The following B3GAT2 variants were observed in gnomAD, a reference collection of about 807,000 sequenced individuals.
B3GAT2 encodes the protein galactosylgalactosylxylosylprotein 3-beta-glucuronosyltransferase 2.
Under a neutral mutation model 27.8 loss-of-function variants are expected in B3GAT2, and 26 were observed. That is an observed-to-expected ratio of 0.93 (90% CI 0.68 to 1.30). The LOEUF is 1.30. Among genes scored for constraint, B3GAT2 ranks in the 50% most tolerant of loss-of-function variants. The probability of loss-of-function intolerance (pLI) is 0.00; values close to 1 mark genes in which losing one functional copy is unlikely to be tolerated. For synonymous variants in B3GAT2, 218 were observed against 195.1 expected (o/e 1.12, Z -0.98); for missense variants, 458 against 459.0 (o/e 1.00, Z 0.02).
intron 2 of B3GAT2, among the ~76,000 whole-genome samples, chr6:70,889,320 T>A (rs1456908852): frequency 6.6e-6 from 1 of 152,100 alleles, no homozygotes; most frequent in Non-Finnish European, 1.5e-5. Context: ...AAAGCTGTTA[T>A]ACCCCTTGAA....
chr6:70,956,129 G>A lies in B3GAT2; in HGVS notation c.301C>T (p.Leu101=). The A allele has an allele frequency of 3.1e-6, 5 of 1,604,364 alleles. No individual in the cohort carries two copies. Among genetic ancestry groups the A allele is most frequent in the East Asian group, 2.2e-5 (1 of 44,624 alleles). The part of the protein sequence containing the change: ...RPVQKAELTR[L]ANTFRQVAQL... The stretch of plus-strand genomic sequence containing the variant: ...GCCACCTGGCGGAACGTGTTGGCCA[G>A]GCGGGTCAGCTCCGCTTTCTGCACC... Residue 101 remains leucine, a synonymous_variant, in exon 1 of 4, where the codon CTG becomes TTG. Coordinates refer to ENST00000230053, the MANE Select transcript of B3GAT2 (RefSeq NM_080742.3).
intron 1 of B3GAT2, among the ~76,000 whole-genome samples, chr6:70,910,125 A>G (rs1042497437): frequency 6.6e-6 from 1 of 152,074 alleles, no homozygotes; most frequent in African/African-American, 2.4e-5. Context: ...CACCCGCCTC[A>G]GCCTTCCAAA....
At chr6:70,923,801 A>T (rs1772910014) in intron 1 of B3GAT2, among the ~76,000 whole-genome samples, 1 of 152,218 alleles carries the variant, frequency 6.6e-6, no homozygotes, top group South Asian at 2.1e-4. Context: ...CTTTCTGTGT[A>T]GTAATTTAAA....
chr6:70,870,116 C>T (rs1357514875), intron 2 of B3GAT2, among the ~76,000 whole-genome samples: 1 of 151,948 alleles, frequency 6.6e-6, no homozygotes, highest in Admixed American at 6.6e-5. Context: ...GCACTATTCA[C>T]AATAGCAAAG....
At chr6:70,898,766 T>C (rs894479324) in intron 1 of B3GAT2, among the ~76,000 whole-genome samples, 106 of 152,296 alleles carry the variant, frequency 7.0e-4, no homozygotes, top group African/African-American at 2.5e-3. Flanking sequence ...AAACAACTCT[T>C]GGCAAGTGTT....
At chr6:70,898,725 A>G (rs907308200) in intron 1 of B3GAT2, among the ~76,000 whole-genome samples, 2 of 152,192 alleles carry the variant, frequency 1.3e-5, no homozygotes, top group African/African-American at 4.8e-5. Flanking sequence ...TTAAGAATGT[A>G]TAAGATTGTG....
In B3GAT2 at chr6:70,861,547, G is replaced by A; in HGVS notation, c.*116C>T. ...CAGATGTCCATCAGATGACAAGAAA[G>A]GCTGCTGTACTGAAGTAAAACAAAC... On this transcript the variant is annotated 3_prime_UTR_variant, in exon 4 of 4. Coordinates refer to ENST00000230053, the MANE Select transcript of B3GAT2 (RefSeq NM_080742.3). 2.3e-6 allele frequency: 2 copies of A among 854,602 alleles called. No individual in the cohort carries two copies. Among genetic ancestry groups the A allele is most frequent in the South Asian group, 3.5e-5 (2 of 57,952 alleles). The allele number at this position is 854,602 out of a possible 1,614,324, so 52.9% of individuals were successfully genotyped here.
intron 2 of B3GAT2, 143 bp from the exon 3 acceptor site, chr6:70,862,121 AT>A: frequency 1.4e-6 from 1 of 691,696 alleles, no homozygotes; most frequent in Non-Finnish European, 2.4e-6. Context: ...GAATAGGAAC[AT>A]TACCTGTATT....
rs1283328548 is a variant in B3GAT2 at position 70,915,919 on chromosome 6, G to GT, written c.592-21648dup. Among the ~76,000 whole-genome samples the GT allele has an allele frequency of 5.3e-5, 8 of 152,066 alleles. No homozygotes were observed. The South Asian group carries it at 6.2e-4, about 12-fold the overall frequency. On this transcript the variant is annotated intron_variant, in intron 1 of 3. Transcript: ENST00000230053. ...TTGGTTCCATATGAGCTTTAAAGTAGTTTTTTTCCAATTCTGTGAAGTCAG... is the reference window on the plus strand; with the variant it reads ...TTGGTTCCATATGAGCTTTAAAGTAGTTTTTTTTCCAATTCTGTGAAGTCAG...
chr6:70,939,748 G>A (rs1266144308), intron 1 of B3GAT2, among the ~76,000 whole-genome samples: 1 of 149,794 alleles, frequency 6.7e-6, no homozygotes, highest in Non-Finnish European at 1.5e-5. Flanking sequence ...CTGTTGTGGG[G>A]TGGGGGTTGG....
At chr6:70,883,556 G>A (rs1018659092) in intron 2 of B3GAT2, among the ~76,000 whole-genome samples, 7 of 152,072 alleles carry the variant, frequency 4.6e-5, no homozygotes, top group African/African-American at 7.2e-5. Context: ...GTGGTAACCA[G>A]GGGCTGAGGG....
intron 1 of B3GAT2, among the ~76,000 whole-genome samples, chr6:70,921,729 C>T (rs549378043): frequency 1.3e-5 from 2 of 152,276 alleles, no homozygotes; most frequent in African/African-American, 4.8e-5. Flanking sequence ...GCTGACATTC[C>T]TTTAATCTTT....
chr6:70,954,031 A>T (rs1362303689), intron 1 of B3GAT2, among the ~76,000 whole-genome samples: 1 of 152,188 alleles, frequency 6.6e-6, no homozygotes, highest in Non-Finnish European at 1.5e-5. Context: ...AAACTAAATC[A>T]TTCCTCCTTC....
intron 2 of B3GAT2, among the ~76,000 whole-genome samples, chr6:70,891,061 G>A (rs1339036766): frequency 6.6e-6 from 1 of 152,234 alleles, no homozygotes; most frequent in African/African-American, 2.4e-5. Flanking sequence ...AAGTGAGTCT[G>A]TCACTTGAAA....
Position 70,860,298 on chromosome 6 carries a change from A to G in B3GAT2, c.*1365T>C. On this transcript the variant is annotated 3_prime_UTR_variant, in exon 4 of 4. Transcript: ENST00000230053. ...CAACAGCAGGATGGTCTGGAAGCTCATCAGGTCAGACTCTCAGCACACAAC... is the reference window on the plus strand; with the variant it reads ...CAACAGCAGGATGGTCTGGAAGCTCGTCAGGTCAGACTCTCAGCACACAAC... 6.2e-7 allele frequency: 1 copy of G among 1,613,440 alleles called. No individual in the cohort carries two copies. The highest frequency in any genetic ancestry group is 8.5e-7 in the Non-Finnish European group (1 of 1,179,584).
At position 70,861,435 on chromosome 6, in the gene B3GAT2, GA is replaced by G. The variant is rs943614300; in HGVS notation, c.*227del. 142 of 523,676 alleles carry G rather than the reference GA, an allele frequency of 2.7e-4. 1 individual carries two copies. The highest frequency in any genetic ancestry group is 4.5e-4 in the Middle Eastern group (1 of 2,220). 32.4% of individuals were successfully genotyped at this position (523,676 alleles called of 1,614,324 possible). A position where few individuals can be genotyped will look rare whatever the true frequency, so the allele number is the denominator to read the frequency against. ...AATCTTCCAATTTAGTTGTTGTAGA[GA>G]AAACATGCAGAACAAATGAAGACAA... On this transcript the variant is annotated 3_prime_UTR_variant, in exon 4 of 4. Coordinates refer to ENST00000230053, the MANE Select transcript of B3GAT2 (RefSeq NM_080742.3).
intron 2 of B3GAT2, among the ~76,000 whole-genome samples, chr6:70,863,490 C>T (rs1346779704): frequency 6.6e-6 from 1 of 152,180 alleles, no homozygotes; most frequent in African/African-American, 2.4e-5. Context: ...ATACCTCCAC[C>T]AACCCTAAAG....
chr6:70,920,591 G>A (rs1179870547), intron 1 of B3GAT2, among the ~76,000 whole-genome samples: 1 of 152,088 alleles, frequency 6.6e-6, no homozygotes, highest in East Asian at 1.9e-4. Context: ...TATCAAATTT[G>A]CCATTCTGTA....
At position 70,860,793 on chromosome 6, in the gene B3GAT2, T is replaced by G. The variant is rs1311571241; in HGVS notation, c.*870A>C. 8 of 398,574 alleles carry G rather than the reference T, an allele frequency of 2.0e-5. No homozygotes were observed. Among genetic ancestry groups the G allele is most frequent in the Non-Finnish European group, 3.5e-5 (8 of 225,840 alleles). The allele number at this position is 398,574 out of a possible 1,614,324, so 24.7% of individuals were successfully genotyped here. A position where few individuals can be genotyped will look rare whatever the true frequency, so the allele number is the denominator to read the frequency against. Reference sequence around the variant, plus strand: ...GTAAATGTCTCACTGAGCACTGTTTTCTAGTGTATCAAAATGCTCTTATTT... The same window carrying G: ...GTAAATGTCTCACTGAGCACTGTTTGCTAGTGTATCAAAATGCTCTTATTT... On this transcript the variant is annotated 3_prime_UTR_variant, in exon 4 of 4. Coordinates refer to ENST00000230053, the MANE Select transcript of B3GAT2 (RefSeq NM_080742.3).
Sources: gnomAD v4.1 joint callset for allele counts (sites outside exome capture counted in the v4.1 genomes callset) on GRCh38, gnomAD v4.1.1 for gene constraint, MANE v1.5 for transcripts, NCBI Gene and HGNC (gene_info 2026-07-23, HGNC 2026-07-21) for gene names.